SPATA13: variants seen among roughly 807,000 people sequenced by gnomAD.
SPATA13 encodes spermatogenesis-associated protein 13.
Under a neutral mutation model 104.0 loss-of-function variants are expected in SPATA13, and 50 were observed. That is an observed-to-expected ratio of 0.48 (90% CI 0.38 to 0.61). SPATA13 has a LOEUF of 0.61. Ranked by LOEUF, SPATA13 falls within the 20% of genes least tolerant of loss-of-function variation. The probability of loss-of-function intolerance (pLI) is 0.00; values close to 1 mark genes in which losing one functional copy is unlikely to be tolerated. For synonymous variants in SPATA13, 606 were observed against 667.5 expected (o/e 0.91, Z 1.42); for missense variants, 1,524 against 1,690.6 (o/e 0.90, Z 1.73).
intron 3 of SPATA13, among the ~76,000 whole-genome samples, chr13:24,117,684 GA>G (rs1361368991): frequency 1.8e-5 from 2 of 109,056 alleles, no homozygotes; most frequent in African/African-American, 1.0e-4. Context: ...GAAATTAAGA[GA>G]AAAAAAACCC....
Position 24,161,329 on chromosome 13 carries a change from C to T in SPATA13, c.-112+397C>T, listed in dbSNP as rs1231784123. Among the ~76,000 whole-genome samples, 1 of 152,168 alleles carries T rather than the reference C, an allele frequency of 6.6e-6. No homozygotes were observed. The highest frequency in any genetic ancestry group is 1.9e-4 in the East Asian group (1 of 5,158). ...GTGGCAGAGTCTGGGGAGCCTGGCGCGGCGGAGCCCTGTAACGCTCTGCTC... is the reference window on the plus strand; with the variant it reads ...GTGGCAGAGTCTGGGGAGCCTGGCGTGGCGGAGCCCTGTAACGCTCTGCTC... On this transcript the variant is annotated intron_variant, in intron 1 of 12. Transcript: ENST00000382108. This position sits in a 1 kb window ranked among gnomAD's most constrained non-coding sequence, Gnocchi z 4.5.
rs28414941 is a variant in SPATA13 at position 24,064,217 on chromosome 13, A to G, written c.-112+46516A>G. Among the ~76,000 whole-genome samples the G allele has an allele frequency of 8.8e-3, 1,333 of 152,334 alleles. 63 individuals are homozygous for G. The highest frequency in any genetic ancestry group is 0.08 in the Admixed American group (1,230 of 15,302). ...TGCGTTCTAAAGCTCACAGTACGTC[A>G]GTGTAACAACAGACAACAAAGCTAC... On this transcript the variant is annotated intron_variant, in intron 3 of 14. Coordinates refer to the SPATA13 transcript ENST00000424834.
At chr13:24,235,484 A>T (rs1291993671) in intron 2 of SPATA13, among the ~76,000 whole-genome samples, 1 of 152,202 alleles carries the variant, frequency 6.6e-6, no homozygotes, top group African/African-American at 2.4e-5. Flanking sequence ...GGTCTGGCTG[A>T]CGTGGTGGCT....
At chr13:24,135,558 C>T (rs1054686055) in intron 3 of SPATA13, among the ~76,000 whole-genome samples, 1 of 151,920 alleles carries the variant, frequency 6.6e-6, no homozygotes, top group African/African-American at 2.4e-5. Flanking sequence ...ATTAGCCGGG[C>T]ATGGTGGCAG....
intron 2 of SPATA13, chr13:24,017,584 C>G (rs1255611442): frequency 1.2e-5 from 8 of 670,912 alleles, no homozygotes; most frequent in Non-Finnish European, 1.3e-5. Context: ...TCAGATAGAC[C>G]CTGTCTGGCA....
Position 24,289,081 on chromosome 13 carries a change from T to C in SPATA13, c.2750T>C (p.Ile917Thr). The change falls in exon 8 of 13, where the codon ATT becomes ACT. Residue 917 changes from isoleucine to threonine, a missense_variant. Transcript: ENST00000382108. The part of the protein sequence containing the change: ...LATIFGNIED[I>T]YKFQRKFLKD... ...ACTATTTTTGGAAACATTGAAGATA[T>C]TTACAAATTCCAAAGAAAGTTTCTG... The C allele has an allele frequency of 6.2e-7, 1 of 1,613,966 alleles. No homozygotes were observed.
At chr13:24,215,031 G>A (rs528823516) in intron 1 of SPATA13, among the ~76,000 whole-genome samples, 1 of 152,312 alleles carries the variant, frequency 6.6e-6, no homozygotes, top group Non-Finnish European at 1.5e-5. Flanking sequence ...AATTCTGTGT[G>A]TTGGTTATGT....
chr13:24,194,662 A>G (rs1368207740), intron 1 of SPATA13, among the ~76,000 whole-genome samples: 1 of 152,198 alleles, frequency 6.6e-6, no homozygotes, highest in South Asian at 2.1e-4. Flanking sequence ...GCCGCTTTCC[A>G]CTGGAAGGAC....
chr13:24,223,206 A>G lies in SPATA13; in HGVS notation c.277A>G (p.Met93Val). The G allele has an allele frequency of 6.4e-7, 1 of 1,551,650 alleles. No homozygotes were observed. Among genetic ancestry groups the G allele is most frequent in the African/African-American group, 1.4e-5 (1 of 73,178 alleles). Residue 93 changes from methionine (M) to valine (V), a missense_variant, in exon 2 of 13, where the codon ATG (methionine) becomes GTG (valine). Coordinates refer to ENST00000382108, the MANE Select transcript of SPATA13 (RefSeq NM_001166271.3). Reference protein sequence around the residue: ...TGAHPERPHSMVLVGNSSTWN... With the variant: ...TGAHPERPHSVVLVGNSSTWN... ...TGCCCACCCCGAGCGGCCCCACTCC[A>G]TGGTCCTGGTGGGGAACTCCTCCAC...
intron 4 of SPATA13, 48 bp from the exon 5 acceptor site, chr13:24,284,087 C>G: frequency 6.4e-7 from 1 of 1,557,154 alleles, no homozygotes; most frequent in South Asian, 1.2e-5. Flanking sequence ...ATGAAAAAAT[C>G]TTGTTAGCTG....
In SPATA13 at chr13:24,004,958, T is replaced by A. The variant is rs527865167; in HGVS notation, c.-146-12709T>A. Among the ~76,000 whole-genome samples the A allele has an allele frequency of 1.7e-3, 265 of 152,344 alleles. 1 individual carries two copies. The highest frequency in any genetic ancestry group is 6.2e-3 in the African/African-American group (258 of 41,580). On this transcript the variant is annotated intron_variant, in intron 2 of 14. Coordinates refer to the SPATA13 transcript ENST00000424834. Reference sequence around the variant, plus strand: ...ACAATCTATTTACTGTCTGTGAGAATAAATCAAATGAATTCATTGTGCACA... The same window carrying A: ...ACAATCTATTTACTGTCTGTGAGAAAAAATCAAATGAATTCATTGTGCACA...
At position 24,108,972 on chromosome 13, in the gene SPATA13, T is replaced by A. The variant is rs562747839; in HGVS notation, c.-112+91271T>A. 1.6e-4 allele frequency among the ~76,000 whole-genome samples: 24 copies of A among 152,184 alleles called. No individual in the cohort carries two copies. In the South Asian group the frequency reaches 3.9e-3, roughly 25 times the overall value. On this transcript the variant is annotated intron_variant, in intron 3 of 14. Transcript: ENST00000424834. ...CTCTCTTTTATTTTATTTTATTTTT[T>A]TAAATTATACTTTAAGTTCTAGGGT...
chr13:24,075,981 G>A (rs1045105767), intron 3 of SPATA13, among the ~76,000 whole-genome samples: 6 of 152,254 alleles, frequency 3.9e-5, no homozygotes, highest in Admixed American at 1.3e-4. Context: ...CAAATCATGC[G>A]GTGGAAACAC....
chr13:24,218,760 G>A (rs996639759), intron 1 of SPATA13, among the ~76,000 whole-genome samples: 10 of 150,652 alleles, frequency 6.6e-5, no homozygotes, highest in Admixed American at 5.9e-4. Context: ...GTGTTAGTGT[G>A]TTTTATGTGT....
intron 7 of SPATA13, among the ~76,000 whole-genome samples, chr13:24,287,691 G>T (rs1219904790): frequency 6.6e-6 from 1 of 152,140 alleles, no homozygotes; most frequent in South Asian, 2.1e-4. Context: ...TCATATGAAA[G>T]GCTATATTCT....
chr13:24,065,954 G>A (rs1878946482), intron 3 of SPATA13, among the ~76,000 whole-genome samples: 1 of 152,172 alleles, frequency 6.6e-6, no homozygotes, highest in Non-Finnish European at 1.5e-5. Flanking sequence ...GTTGTCACAG[G>A]GAAACCTGAG....
intron 3 of SPATA13, among the ~76,000 whole-genome samples, chr13:24,093,267 T>G (rs915721708): frequency 2.0e-5 from 3 of 152,234 alleles, no homozygotes; most frequent in African/African-American, 7.2e-5. Context: ...TTGAGTTCAC[T>G]CAAGCTGTTC....
At chr13:24,211,879 C>T (rs1871036948) in intron 1 of SPATA13, among the ~76,000 whole-genome samples, 1 of 152,182 alleles carries the variant, frequency 6.6e-6, no homozygotes, top group Non-Finnish European at 1.5e-5. Flanking sequence ...TGCACCCCAA[C>T]ATCCGTCCTT....
exon 2 of SPATA13, chr13:23,983,867 T>A (rs895580091): frequency 1.0e-6 from 1 of 985,256 alleles, no homozygotes; most frequent in African/African-American, 1.7e-5. Flanking sequence ...ACAGGCCTGA[T>A]GAAAATGAAA....
Sources: allele counts gnomAD v4.1 joint callset (sites outside exome capture counted in the v4.1 genomes callset), GRCh38; gene constraint gnomAD v4.1.1; non-coding constraint Gnocchi (gnomAD v3.1); transcripts MANE v1.5; gene names NCBI Gene and HGNC (gene_info 2026-07-23, HGNC 2026-07-21).